ARSB: variants seen among roughly 807,000 people sequenced by gnomAD.
ARSB encodes the protein arylsulfatase B.
In ARSB, 41 loss-of-function variants were observed where a neutral mutation model predicts 50.9. The observed-to-expected ratio is 0.81, with a 90% CI of 0.63 to 1.04. The LOEUF (loss-of-function observed/expected upper bound fraction) is 1.04. Among genes scored for constraint, ARSB ranks in the 50% least tolerant of loss-of-function variants. ARSB has a pLI of 0.00. For missense variants in ARSB, 672 were observed against 693.3 expected (o/e 0.97, Z 0.35); for synonymous variants, 269 against 284.8 (o/e 0.94, Z 0.56).
intron 4 of ARSB, among the ~76,000 whole-genome samples, chr5:78,934,898 A>G (rs1451943931): frequency 6.6e-6 from 1 of 152,160 alleles, no homozygotes; most frequent in Admixed American, 6.6e-5. Flanking sequence ...ATTTATTAAA[A>G]TTAAATAATA....
chr5:78,818,006 G>T (rs1744065508), intron 6 of ARSB, among the ~76,000 whole-genome samples: 1 of 152,072 alleles, frequency 6.6e-6, no homozygotes. Flanking sequence ...AAATTAGCTG[G>T]GCATGGCAGC....
intron 4 of ARSB, among the ~76,000 whole-genome samples, chr5:78,944,093 G>A (rs950482851): frequency 2.6e-5 from 4 of 152,070 alleles, no homozygotes; most frequent in Non-Finnish European, 4.4e-5. Context: ...TTGTGCATTC[G>A]TCACGTAGTT....
chr5:78,972,762 T>C (rs975965447), intron 1 of ARSB, among the ~76,000 whole-genome samples: 1 of 152,182 alleles, frequency 6.6e-6, no homozygotes, highest in African/African-American at 2.4e-5. Flanking sequence ...TGCAGAGAAT[T>C]AATTCTGATT....
intron 6 of ARSB, among the ~76,000 whole-genome samples, chr5:78,834,607 G>GTGTGTATATATATATATA (rs1185355030): frequency 2.3e-5 from 2 of 85,602 alleles, no homozygotes; most frequent in Non-Finnish European, 4.7e-5. Context: ...ATATATATGT[G>GTGTGTATATATATATATA]TATATATATA....
At chr5:78,973,144 A>G (rs978440779) in intron 1 of ARSB, among the ~76,000 whole-genome samples, 1 of 152,236 alleles carries the variant, frequency 6.6e-6, no homozygotes, top group Non-Finnish European at 1.5e-5. Context: ...GGGCACCAAT[A>G]GGAATCAAAA....
At chr5:78,843,264 G>A (rs116585090) in intron 5 of ARSB, among the ~76,000 whole-genome samples, 138 of 152,338 alleles carry the variant, frequency 9.1e-4, no homozygotes, top group African/African-American at 3.2e-3. Context: ...AGTTTCCCAG[G>A]TGACATTGAT....
intron 6 of ARSB, among the ~76,000 whole-genome samples, chr5:78,829,202 CA>C (rs1206519454): frequency 1.3e-5 from 2 of 152,138 alleles, no homozygotes; most frequent in Non-Finnish European, 2.9e-5. Flanking sequence ...TGAAAACATT[CA>C]AAAAATACGA....
At chr5:78,793,416 G>A (rs1743052332) in intron 6 of ARSB, among the ~76,000 whole-genome samples, 3 of 152,150 alleles carry the variant, frequency 2.0e-5, no homozygotes, top group Admixed American at 2.0e-4. Flanking sequence ...GGGAGGAGCA[G>A]GAAGTTTCTA....
intron 1 of ARSB, among the ~76,000 whole-genome samples, chr5:78,983,633 C>T (rs1224842237): frequency 2.6e-5 from 4 of 152,170 alleles, no homozygotes; most frequent in African/African-American, 9.6e-5. Context: ...GCCAAAAGTA[C>T]TAAGGTGGAT....
At chr5:78,804,943 CAGAA>C (rs1561432384) in intron 6 of ARSB, among the ~76,000 whole-genome samples, 1 of 152,226 alleles carries the variant, frequency 6.6e-6, no homozygotes, top group African/African-American at 2.4e-5. Flanking sequence ...GCACTTTGCT[CAGAA>C]AGAGTCACAT....
Position 78,964,560 on chromosome 5 carries a change from T to C in ARSB, c.546A>G (p.Thr182=), listed in dbSNP as rs1427966412. The change falls in exon 3 of 8, where the codon ACA becomes ACG. Residue 182 remains threonine (T), a synonymous_variant. Coordinates refer to ENST00000264914, the MANE Select transcript of ARSB (RefSeq NM_000046.5). ...SEDYYSHERC[T]LIDALNVTRC... ...GTGTGACATTCAGAGCGTCAATTAA[T>C]GTACAGCGTTCATGGGAATAATAAT... 1.9e-6 allele frequency: 3 copies of C among 1,613,976 alleles called. No homozygotes were observed. The African/African-American group carries it at 4.0e-5, about 22-fold the overall frequency.
chr5:78,924,750 T>C (rs1439614184), intron 4 of ARSB, among the ~76,000 whole-genome samples: 1 of 152,208 alleles, frequency 6.6e-6, no homozygotes, highest in East Asian at 1.9e-4. Flanking sequence ...TGCCCAAAGC[T>C]AAGACTAGTA....
At chr5:78,858,379 AC>A (rs1399267361) in intron 5 of ARSB, among the ~76,000 whole-genome samples, 2 of 152,168 alleles carry the variant, frequency 1.3e-5, no homozygotes, top group African/African-American at 4.8e-5. Context: ...ATTTTTATTT[AC>A]AAAAACAGGG....
intron 6 of ARSB, among the ~76,000 whole-genome samples, chr5:78,834,913 A>G (rs1458039176): frequency 6.6e-6 from 1 of 151,922 alleles, no homozygotes; most frequent in Non-Finnish European, 1.5e-5. Context: ...ACAGTGAATA[A>G]GGGTTCCAAT....
At chr5:78,984,155 C>A (rs1440315953) in intron 1 of ARSB, among the ~76,000 whole-genome samples, 1 of 152,202 alleles carries the variant, frequency 6.6e-6, no homozygotes, top group African/African-American at 2.4e-5. Context: ...TACAGGCTTC[C>A]TGCCTCGTCT....
At chr5:78,807,567 C>G (rs1490342504) in intron 6 of ARSB, among the ~76,000 whole-genome samples, 1 of 152,126 alleles carries the variant, frequency 6.6e-6, no homozygotes, top group Non-Finnish European at 1.5e-5. Flanking sequence ...CTTCCTGAGC[C>G]AATGGGAGGA....
intron 1 of ARSB, among the ~76,000 whole-genome samples, chr5:78,977,368 G>A (rs939115827): frequency 1.3e-5 from 2 of 152,108 alleles, no homozygotes; most frequent in Non-Finnish European, 2.9e-5. Context: ...TGGCCAGGCT[G>A]GTCTCAAACT....
chr5:78,835,854 G>A lies in ARSB; in HGVS notation c.1213+3502C>T, dbSNP rs534884302. On this transcript the variant is annotated intron_variant, in intron 6 of 7. Coordinates refer to ENST00000264914, the MANE Select transcript of ARSB (RefSeq NM_000046.5). ...TGACGAAGTGGCTTTAGGGAAGGTGGAGGTGGAACGCTACCTTCTTCTCCC... is the reference window on the plus strand; with the variant it reads ...TGACGAAGTGGCTTTAGGGAAGGTGAAGGTGGAACGCTACCTTCTTCTCCC... Among the ~76,000 whole-genome samples, 3 of 152,254 alleles carry A rather than the reference G, an allele frequency of 2.0e-5. No individual in the cohort carries two copies. In the South Asian group the frequency reaches 6.2e-4, roughly 32 times the overall value.
chr5:78,811,911 T>C (rs1419123718), intron 6 of ARSB, among the ~76,000 whole-genome samples: 6 of 152,098 alleles, frequency 3.9e-5, no homozygotes, highest in African/African-American at 1.2e-4. Flanking sequence ...AAGTTAACAG[T>C]GTATTCACAT....
Sources: allele counts gnomAD v4.1 joint callset (sites outside exome capture counted in the v4.1 genomes callset), GRCh38; gene constraint gnomAD v4.1.1; transcripts MANE v1.5; gene names NCBI Gene and HGNC (gene_info 2026-07-23, HGNC 2026-07-21).